The following SLC13A4 variants were observed in gnomAD, a reference collection of about 807,000 sequenced individuals.
The protein encoded by SLC13A4 is Na(+)/sulfate cotransporter SUT-1.
SLC13A4 carries 28 observed loss-of-function variants against 72.7 expected under a neutral mutation model. The observed-to-expected ratio is 0.39, with a 90% CI of 0.29 to 0.53. The LOEUF (loss-of-function observed/expected upper bound fraction) is 0.53. Among genes scored for constraint, SLC13A4 ranks in the 20% least tolerant of loss-of-function variants. The probability of loss-of-function intolerance (pLI) is 0.78; values close to 1 mark genes in which losing one functional copy is unlikely to be tolerated. For synonymous variants in SLC13A4, 312 were observed against 325.5 expected, an observed-to-expected ratio of 0.96 and a Z score of 0.45; for missense variants, 653 against 788.0, an observed-to-expected ratio of 0.83 and a Z score of 2.05.
Position 135,727,311 on chromosome 7 carries a change from C to T in SLC13A4, c.99+87G>A, listed in dbSNP as rs1386899172. The T allele has an allele frequency of 6.0e-6, 9 of 1,495,164 alleles. No homozygotes were observed. In the African/African-American group the frequency reaches 8.4e-5, roughly 14 times the overall value. 92.6% of individuals were successfully genotyped at this position (1,495,164 alleles called of 1,614,324 possible). ...ACCACAAGCCACTTTGAGGGACTGCCTGAGCGCCCCATGTTCCCCTACCGA... is the reference window on the plus strand; with the variant it reads ...ACCACAAGCCACTTTGAGGGACTGCTTGAGCGCCCCATGTTCCCCTACCGA... On this transcript the variant is annotated intron_variant, in intron 1 of 15. Transcript: ENST00000682651.
Position 135,691,300 on chromosome 7 carries a change from C to G in SLC13A4, c.1347G>C (p.Gly449=), listed in dbSNP as rs1367318297. Reference sequence around the variant, plus strand: ...CCTTCCACGTGATGATGGGCTCGGTCCCCAGTGAGTGCTCCTGGTTCTCTC... The same window carrying G: ...CCTTCCACGTGATGATGGGCTCGGTGCCCAGTGAGTGCTCCTGGTTCTCTC... The part of the protein sequence containing the change: ...NDGENQEHSL[G]TEPIITWKDF... Residue 449 remains glycine, a synonymous_variant, in exon 13 of 16, where the codon GGG becomes GGC. Coordinates refer to ENST00000682651, the MANE Select transcript of SLC13A4 (RefSeq NM_001318192.2). The G allele has an allele frequency of 6.2e-7, 1 of 1,613,664 alleles. No homozygotes were observed. Among genetic ancestry groups the G allele is most frequent in the African/African-American group, 1.3e-5 (1 of 75,026 alleles).
chr7:135,715,409 GT>G (rs1796408355), intron 2 of SLC13A4, among the ~76,000 whole-genome samples: 1 of 130,164 alleles, frequency 7.7e-6, no homozygotes, highest in African/African-American at 3.2e-5. Flanking sequence ...GTGTGTATGA[GT>G]GTGTGTATGA....
chr7:135,682,163 A>G (rs1795518217), intron 15 of SLC13A4, among the ~76,000 whole-genome samples: 1 of 152,198 alleles, frequency 6.6e-6, no homozygotes, highest in Non-Finnish European at 1.5e-5. Context: ...TCATGGAAAT[A>G]GTGTACCTTG....
rs539070666 is a variant in SLC13A4 at position 135,691,658 on chromosome 7, C to T, written c.1224-13G>A. 9 of 1,586,734 alleles carry T rather than the reference C, an allele frequency of 5.7e-6. No homozygotes were observed. The East Asian group carries it at 2.0e-4, about 35-fold the overall frequency. Reference sequence around the variant, plus strand: ...ACGGTAGCCTTTCCTAGTAAAGAGACAAGCATAGCTGAGGAGAAGGGTCAG... The same window carrying T: ...ACGGTAGCCTTTCCTAGTAAAGAGATAAGCATAGCTGAGGAGAAGGGTCAG... On this transcript the variant is annotated splice_polypyrimidine_tract_variant and intron_variant, in intron 11 of 15. Coordinates refer to ENST00000682651, the MANE Select transcript of SLC13A4 (RefSeq NM_001318192.2).
chr7:135,695,511 G>A, intron 8 of SLC13A4, 24 bp from the exon 9 acceptor site: 1 of 1,609,938 alleles, frequency 6.2e-7, no homozygotes, highest in Non-Finnish European at 8.5e-7. Context: ...AACCAGGTCA[G>A]CAATTAGAAA....
chr7:135,719,010 C>T (rs1796487668), intron 2 of SLC13A4, among the ~76,000 whole-genome samples: 1 of 152,230 alleles, frequency 6.6e-6, no homozygotes, highest in Non-Finnish European at 1.5e-5. Flanking sequence ...TGTAGCCCAA[C>T]TACTAAATAT....
At chr7:135,690,767 C>T (rs1287228538) in intron 13 of SLC13A4, among the ~76,000 whole-genome samples, 10 of 152,178 alleles carry the variant, frequency 6.6e-5, no homozygotes, top group Non-Finnish European at 5.9e-5. Context: ...CTATTGTTTC[C>T]CTTCCCAGGG....
At chr7:135,714,863 T>TCTC (rs1796378492) in intron 2 of SLC13A4, among the ~76,000 whole-genome samples, 1 of 152,230 alleles carries the variant, frequency 6.6e-6, no homozygotes, top group East Asian at 1.9e-4. Flanking sequence ...CCTGTACTCC[T>TCTC]CTCCTGCCCC....
At position 135,698,479 on chromosome 7, in the gene SLC13A4, C is replaced by T. The variant is rs546892621; in HGVS notation, c.899+885G>A. ...CCTCCTAAGTAGCGGGGATTACAGG[C>T]GCCTGCCACCATGGCTGGTTAACTT... On this transcript the variant is annotated intron_variant, in intron 8 of 15. Transcript: ENST00000682651. Among the ~76,000 whole-genome samples the T allele has an allele frequency of 6.9e-5, 10 of 145,550 alleles. No individual in the cohort carries two copies. The South Asian group carries it at 1.1e-3, about 16-fold the overall frequency.
At chr7:135,683,322 AAAGGAT>A in intron 15 of SLC13A4, 1 of 830,306 alleles carries the variant, frequency 1.2e-6, no homozygotes, top group Non-Finnish European at 1.5e-6. Context: ...AAAAAAAAAA[AAAGGAT>A]AAAAAAGGAC....
intron 8 of SLC13A4, among the ~76,000 whole-genome samples, chr7:135,697,776 C>T (rs1008987554): frequency 5.3e-5 from 8 of 152,134 alleles, no homozygotes; most frequent in Admixed American, 3.3e-4. Context: ...TACCCTCTGT[C>T]GTTTTCTTTT....
intron 8 of SLC13A4, among the ~76,000 whole-genome samples, chr7:135,698,918 C>G (rs1259444592): frequency 2.0e-5 from 3 of 152,162 alleles, no homozygotes; most frequent in African/African-American, 4.8e-5. Context: ...CAGGCATGAG[C>G]CACTGCGCCC....
chr7:135,681,825 G>C, intron 15 of SLC13A4, 125 bp from the exon 16 acceptor site: 1 of 1,329,924 alleles, frequency 7.5e-7, no homozygotes, highest in South Asian at 1.5e-5. Flanking sequence ...GCTGCCTGGG[G>C]TGCTCTAGCA....
chr7:135,692,464 A>G (rs746411758), intron 10 of SLC13A4, 40 bp from the exon 11 acceptor site: 1 of 1,444,458 alleles, frequency 6.9e-7, no homozygotes, highest in South Asian at 1.2e-5. Context: ...GGAACTGAGA[A>G]ATTTCTCCTA....
chr7:135,705,937 C>A, intron 4 of SLC13A4, 191 bp downstream of exon 4: 1 of 571,344 alleles, frequency 1.8e-6, no homozygotes, highest in Non-Finnish European at 3.0e-6. Flanking sequence ...ACAGGGAGTT[C>A]AGGGAAGCTT....
intron 1 of SLC13A4, among the ~76,000 whole-genome samples, chr7:135,725,763 G>T (rs1487470178): frequency 6.6e-6 from 1 of 152,126 alleles, no homozygotes; most frequent in Non-Finnish European, 1.5e-5. Flanking sequence ...TTTGAGACCA[G>T]CCTGGGCAAC....
At position 135,709,024 on chromosome 7, in the gene SLC13A4, G is replaced by A. The variant is rs187293992; in HGVS notation, c.229-774C>T. ...GGCTCACTGCAAACTCCGCTTCCTG[G>A]GTTCACGCCATTCTCCTGCCTCAGC... On this transcript the variant is annotated intron_variant, in intron 2 of 15. Transcript: ENST00000682651. Among the ~76,000 whole-genome samples, 21 of 148,094 alleles carry A rather than the reference G, an allele frequency of 1.4e-4. No individual in the cohort carries two copies. The East Asian group carries it at 3.8e-3, about 27-fold the overall frequency.
At position 135,681,584 on chromosome 7, in the gene SLC13A4, G is replaced by A. The variant is rs1210401593; in HGVS notation, c.1863C>T (p.Ser621=). The A allele has an allele frequency of 1.2e-6, 2 of 1,614,006 alleles. No homozygotes were observed. Among genetic ancestry groups the A allele is most frequent in the Non-Finnish European group, 1.7e-6 (2 of 1,179,920 alleles). Residue 621 remains serine, a synonymous_variant, in exon 16 of 16, where the codon AGC becomes AGT. Transcript: ENST00000682651. ...GGCGTTAGGCTTGATCAGTGATGTT[G>A]CTGACCCTCGCCCATGCTGGGTAAG... is the stretch of plus-strand genomic sequence containing the variant. ...LDTYPAWARV[S]NITDQA
At chr7:135,685,121 G>A (rs1433082834) in intron 14 of SLC13A4, among the ~76,000 whole-genome samples, 1 of 152,198 alleles carries the variant, frequency 6.6e-6, no homozygotes, top group Non-Finnish European at 1.5e-5. Context: ...TCAGCTGTGT[G>A]TGTTTTACCT....
Sources: gnomAD v4.1 joint callset for allele counts (sites outside exome capture counted in the v4.1 genomes callset) on GRCh38, gnomAD v4.1.1 for gene constraint, MANE v1.5 for transcripts, NCBI Gene and HGNC (gene_info 2026-07-23, HGNC 2026-07-21) for gene names.